SYNJ1: variants seen among roughly 807,000 people sequenced by gnomAD.
SYNJ1 encodes the protein polyphosphatidylinositol phosphatase SYNJ1.
In SYNJ1, 78 loss-of-function variants were observed where a neutral mutation model predicts 168.2. The observed-to-expected ratio is 0.46, with a 90% confidence interval of 0.39 to 0.56. The LOEUF (loss-of-function observed/expected upper bound fraction) is 0.56. Among genes scored for constraint, SYNJ1 ranks in the 20% least tolerant of loss-of-function variants. SYNJ1 has a pLI of 0.00. For synonymous variants in SYNJ1, 539 were observed against 548.6 expected (o/e 0.98, Z 0.24); for missense variants, 1,303 against 1,597.6 (o/e 0.82, Z 3.14).
At chr21:32,663,271 G>A (rs1466736921) in intron 18 of SYNJ1, among the ~76,000 whole-genome samples, 1 of 152,184 alleles carries the variant, frequency 6.6e-6, no homozygotes, top group Non-Finnish European at 1.5e-5. Flanking sequence ...TTGCATAGCT[G>A]GAGAAGGAAA....
At chr21:32,685,439 A>AAT (rs1397755928) in intron 9 of SYNJ1, among the ~76,000 whole-genome samples, 1 of 148,840 alleles carries the variant, frequency 6.7e-6, no homozygotes, top group East Asian at 2.0e-4. Flanking sequence ...AAAAAAAAAA[A>AAT]AAAAAAAAAA....
chr21:32,709,433 C>T (rs1191374795), intron 2 of SYNJ1, among the ~76,000 whole-genome samples: 1 of 131,290 alleles, frequency 7.6e-6, no homozygotes, highest in African/African-American at 2.9e-5. Context: ...GCCAAGATCA[C>T]ACCACCGCCT....
Position 32,656,921 on chromosome 21 carries a change from A to T in SYNJ1, c.2580-19T>A. The T allele has an allele frequency of 6.2e-7, 1 of 1,612,150 alleles. No individual in the cohort carries two copies. Among genetic ancestry groups the T allele is most frequent in the African/African-American group, 1.3e-5 (1 of 74,820 alleles). On this transcript the variant is annotated intron_variant, in intron 20 of 32. Coordinates refer to ENST00000674351, the MANE Select transcript of SYNJ1 (RefSeq NM_203446.3). Reference sequence around the variant, plus strand: ...GACAGGCCTTAAGGCATAAAGGAAGATAGATGTATTAGAAATGTTTTTAAA... The same window carrying T: ...GACAGGCCTTAAGGCATAAAGGAAGTTAGATGTATTAGAAATGTTTTTAAA...
intron 9 of SYNJ1, among the ~76,000 whole-genome samples, chr21:32,684,945 G>A (rs540871327): frequency 2.3e-4 from 35 of 151,810 alleles, no homozygotes; most frequent in Admixed American, 9.8e-4. Flanking sequence ...TTTGGGAGGC[G>A]GAGGCGGGTG....
intron 2 of SYNJ1, among the ~76,000 whole-genome samples, chr21:32,704,125 C>T (rs1264537436): frequency 6.6e-6 from 1 of 152,182 alleles, no homozygotes; most frequent in Middle Eastern, 3.2e-3. Context: ...TAATAACTAT[C>T]TTCTCATTAA....
At chr21:32,684,768 A>G (rs1046387336) in intron 9 of SYNJ1, among the ~76,000 whole-genome samples, 1 of 152,244 alleles carries the variant, frequency 6.6e-6, no homozygotes, top group Admixed American at 6.5e-5. Flanking sequence ...ATATAACAGC[A>G]TGAAGTATGG....
chr21:32,635,733 T>C (rs2039538366), intron 31 of SYNJ1, among the ~76,000 whole-genome samples: 1 of 152,214 alleles, frequency 6.6e-6, no homozygotes, highest in African/African-American at 2.4e-5. Context: ...CAGCTTGTTT[T>C]ATCTTACTCA....
Position 32,650,213 on chromosome 21 carries a change from G to C in SYNJ1, c.3008C>G (p.Ala1003Gly). ...STSSTLLGED[A>G]EVAADFDMEG... Reference sequence around the variant, plus strand: ...CATATCAAAATCTGCTGCAACCTCTGCATCTTCACCAAGCAGGGTAGAGCT... The same window carrying C: ...CATATCAAAATCTGCTGCAACCTCTCCATCTTCACCAAGCAGGGTAGAGCT... Residue 1003 changes from alanine to glycine, a missense_variant, in exon 23 of 33, where the codon GCA becomes GGA. Ala to Gly is a moderately conservative substitution (Grantham distance 60). Around this residue, in one of 2 missense-constraint regions of SYNJ1, gnomAD observed 920 missense variants for 1,208.8 expected, o/e 0.76. Coordinates refer to ENST00000674351, the MANE Select transcript of SYNJ1 (RefSeq NM_203446.3). The C allele has an allele frequency of 6.2e-7, 1 of 1,609,378 alleles. No individual in the cohort carries two copies.
chr21:32,705,229 A>G (rs897060450), intron 2 of SYNJ1, among the ~76,000 whole-genome samples: 33 of 152,132 alleles, frequency 2.2e-4, no homozygotes, highest in Admixed American at 2.2e-3. Context: ...CACAGATATA[A>G]GTATATATGT....
chr21:32,652,138 T>G (rs1393995858), intron 22 of SYNJ1, among the ~76,000 whole-genome samples: 1 of 152,212 alleles, frequency 6.6e-6, no homozygotes, highest in African/African-American at 2.4e-5. Flanking sequence ...AGTATACTAG[T>G]ATTACATTTA....
intron 6 of SYNJ1, 33 bp from the exon 7 acceptor site, chr21:32,688,400 A>G: frequency 6.3e-7 from 1 of 1,582,554 alleles, no homozygotes; most frequent in Middle Eastern, 1.7e-4. Flanking sequence ...AATCAAACCA[A>G]AAACCAACAT....
At chr21:32,653,502 G>C in intron 21 of SYNJ1, 136 bp from the exon 22 acceptor site, 1 of 658,028 alleles carries the variant, frequency 1.5e-6, no homozygotes, top group Non-Finnish European at 2.6e-6. Flanking sequence ...AGCGCAGGTA[G>C]GGCTGGTGGT....
chr21:32,670,490 C>A, intron 14 of SYNJ1, 118 bp from the exon 15 acceptor site: 1 of 761,016 alleles, frequency 1.3e-6, no homozygotes, highest in Non-Finnish European at 2.0e-6. Flanking sequence ...TGAGTTTAAC[C>A]AAATTCATAT....
chr21:32,713,388 T>A (rs1382358070), intron 2 of SYNJ1, among the ~76,000 whole-genome samples: 1 of 139,018 alleles, frequency 7.2e-6, no homozygotes, highest in Non-Finnish European at 1.6e-5. Context: ...ATGGATGATT[T>A]CCCATATGTC....
In SYNJ1 at chr21:32,641,885, G is replaced by GT. The variant is rs1177389788; in HGVS notation, c.3588+10dup. 8.7e-6 allele frequency: 14 copies of GT among 1,604,240 alleles called. No individual in the cohort carries two copies. In the South Asian group the frequency reaches 1.6e-4, roughly 18 times the overall value. ...CCGAGACCCCTTGGCCCCAGGCGAG[G>GT]TTTTACCTACCGGTCTGGCTGTACT... On this transcript the variant is annotated intron_variant, in intron 29 of 32. Transcript: ENST00000674351.
At chr21:32,690,302 G>T (rs1444364791) in intron 6 of SYNJ1, among the ~76,000 whole-genome samples, 2 of 152,168 alleles carry the variant, frequency 1.3e-5, no homozygotes, top group African/African-American at 4.8e-5. Flanking sequence ...CGACCTCCTG[G>T]GCTCAAGGGA....
Position 32,653,305 on chromosome 21 carries a change from T to C in SYNJ1, c.2857A>G (p.Ser953Gly). 1.9e-6 allele frequency: 3 copies of C among 1,613,754 alleles called. No homozygotes were observed. Among genetic ancestry groups the C allele is most frequent in the Non-Finnish European group, 2.5e-6 (3 of 1,179,694 alleles). Reference protein sequence around the residue: ...LEGSSALNVLSLNGKELLNRT... With the variant: ...LEGSSALNVLGLNGKELLNRT... The stretch of plus-strand genomic sequence containing the variant: ...TACCTTACCTCTTTACCATTTAGGC[T>C]CAGAACATTCAAGGCAGAGCTTCCC... Residue 953 changes from serine (S) to glycine (G), a missense_variant, in exon 22 of 33, where the codon AGC becomes GGC. Physicochemically the swap from Ser to Gly is moderately conservative, Grantham distance 56 (BLOSUM62 0). This residue lies in a region of SYNJ1 where 920 missense variants were observed against 1,208.8 expected (regional missense o/e 0.76). Coordinates refer to ENST00000674351, the MANE Select transcript of SYNJ1 (RefSeq NM_203446.3).
At chr21:32,682,390 T>G (rs566902922) in intron 10 of SYNJ1, among the ~76,000 whole-genome samples, 14 of 152,362 alleles carry the variant, frequency 9.2e-5, no homozygotes, top group African/African-American at 3.4e-4. Context: ...CCTTGCATTT[T>G]AACTTAACTC....
intron 4 of SYNJ1, among the ~76,000 whole-genome samples, chr21:32,697,146 T>C (rs908107106): frequency 2.0e-5 from 3 of 152,196 alleles, no homozygotes; most frequent in African/African-American, 7.2e-5. Flanking sequence ...GTCACTGTTT[T>C]AGCATTTAAA....
Sources: gnomAD v4.1 joint callset for allele counts (sites outside exome capture counted in the v4.1 genomes callset) on GRCh38, gnomAD v4.1.1 for gene constraint, gnomAD v4.1.1 regional missense constraint, MANE v1.5 for transcripts, NCBI Gene and HGNC (gene_info 2026-07-23, HGNC 2026-07-21) for gene names.